CUBN: variants seen among roughly 807,000 people sequenced by gnomAD.
CUBN encodes cubilin.
Under a neutral mutation model 405.3 loss-of-function variants are expected in CUBN, and 282 were observed. That is an observed-to-expected ratio of 0.70 (90% CI 0.63 to 0.77). The LOEUF is 0.77. CUBN is among the 30% of genes least tolerant of loss of function. CUBN has a pLI of 0.00. For missense variants in CUBN, 4,514 were observed against 4,475.2 expected (o/e 1.01, Z -0.25); for synonymous variants, 1,684 against 1,617.0 (o/e 1.04, Z -0.99).
rs1835067450 is a variant in CUBN at position 17,043,917 on chromosome 10, G to A, written c.3739C>T (p.Leu1247Phe). 2 of 1,613,672 alleles carry A rather than the reference G, an allele frequency of 1.2e-6. No individual in the cohort carries two copies. Among genetic ancestry groups the A allele is most frequent in the East Asian group, 4.5e-5 (2 of 44,874 alleles). Residue 1247 changes from leucine to phenylalanine, a missense_variant, in exon 26 of 67, where the codon CTT becomes TTT. Leu to Phe is a conservative substitution (Grantham distance 22). Around this residue, in one of 5 missense-constraint regions of CUBN, gnomAD observed 242 missense variants for 309.0 expected, o/e 0.78. Transcript: ENST00000377833. ...TQLCGDEKPP[L>F]IRSSGDSMFI... ...ATGCTGTCTCCACTAGAACGAATAA[G>A]AGGGGGTTTCTCATCCCCACAAAGC... is the stretch of plus-strand genomic sequence containing the variant.
chr10:17,073,444 CTTTTTT>C (rs11349387), intron 17 of CUBN, among the ~76,000 whole-genome samples: 1 of 109,784 alleles, frequency 9.1e-6, no homozygotes, highest in African/African-American at 3.9e-5. Flanking sequence ...ATAACCAGCT[CTTTTTT>C]TTTTTTTTTT....
intron 36 of CUBN, among the ~76,000 whole-genome samples, chr10:16,940,692 C>T (rs1029996177): frequency 6.6e-6 from 1 of 152,102 alleles, no homozygotes; most frequent in Non-Finnish European, 1.5e-5. Flanking sequence ...CACCAAGGCA[C>T]ATGTGCAGAG....
rs1338090281 is a variant in CUBN at position 17,106,099 on chromosome 10, A to G, written c.1112-524T>C. ...CAGGAGTTCGAGACCAGCCTGGCCA[A>G]TGTGGAGAAACCCTGTCTCTACTAA... On this transcript the variant is annotated intron_variant, in intron 10 of 66. Transcript: ENST00000377833. Among the ~76,000 whole-genome samples the G allele has an allele frequency of 3.3e-5, 5 of 152,024 alleles. No individual in the cohort carries two copies. The East Asian group carries it at 9.7e-4, about 30-fold the overall frequency.
intron 36 of CUBN, among the ~76,000 whole-genome samples, chr10:16,943,545 T>G (rs1048950374): frequency 1.9e-4 from 29 of 152,186 alleles, no homozygotes; most frequent in Admixed American, 3.3e-4. Context: ...ATCAACAATG[T>G]GAAATACGCA....
chr10:16,861,841 T>C (rs1840022046), intron 59 of CUBN, among the ~76,000 whole-genome samples: 1 of 152,056 alleles, frequency 6.6e-6, no homozygotes, highest in Non-Finnish European at 1.5e-5. Flanking sequence ...CCCTTTTGCA[T>C]ACATTTCTGT....
At chr10:16,976,946 T>C (rs1833116819) in intron 31 of CUBN, among the ~76,000 whole-genome samples, 1 of 152,220 alleles carries the variant, frequency 6.6e-6, no homozygotes, top group Non-Finnish European at 1.5e-5. Flanking sequence ...CTTTCTATAG[T>C]ATGCAGTTCC....
chr10:16,918,252 T>A (rs1401753416), intron 45 of CUBN, among the ~76,000 whole-genome samples: 2 of 152,210 alleles, frequency 1.3e-5, no homozygotes, highest in Non-Finnish European at 2.9e-5. Flanking sequence ...TTCTTTTTGT[T>A]TAGGATTGCC....
intron 41 of CUBN, among the ~76,000 whole-genome samples, chr10:16,926,742 A>G (rs1327801546): frequency 6.6e-6 from 1 of 151,010 alleles, no homozygotes; most frequent in African/African-American, 2.4e-5. Context: ...GGAGTGTAGA[A>G]TTGGGGGGTG....
chr10:16,846,863 T>C (rs1048595425), intron 60 of CUBN, among the ~76,000 whole-genome samples: 1 of 148,260 alleles, frequency 6.7e-6, no homozygotes, highest in African/African-American at 2.5e-5. Flanking sequence ...ACGGATGGGG[T>C]TGAGGAAAAA....
chr10:17,057,966 C>CA (rs1374015544), intron 22 of CUBN, among the ~76,000 whole-genome samples: 7 of 151,800 alleles, frequency 4.6e-5, no homozygotes, highest in African/African-American at 1.7e-4. Flanking sequence ...ACTAAAAATA[C>CA]AAAAAATTAG....
intron 44 of CUBN, among the ~76,000 whole-genome samples, 182 bp downstream of exon 44, chr10:16,919,781 G>A (rs1188613647): frequency 3.9e-5 from 6 of 152,114 alleles, no homozygotes; most frequent in Admixed American, 6.5e-5. Context: ...GTACATAACC[G>A]GCTCAGCTGA....
chr10:17,093,577 A>C (rs990065733), intron 14 of CUBN, among the ~76,000 whole-genome samples: 2 of 151,980 alleles, frequency 1.3e-5, no homozygotes, highest in Non-Finnish European at 2.9e-5. Flanking sequence ...AAAAAACCCA[A>C]CCCTTCTGAG....
At chr10:16,988,730 A>G (rs3012475) in intron 29 of CUBN, among the ~76,000 whole-genome samples, 66,832 of 151,896 alleles carry the variant, frequency 0.44, 16,406 homozygotes, top group Non-Finnish European at 0.55. Flanking sequence ...CATACTATTC[A>G]TATCGACCCC....
At chr10:17,104,759 A>T (rs1012156820) in intron 11 of CUBN, among the ~76,000 whole-genome samples, 154 bp from the exon 12 acceptor site, 4 of 146,982 alleles carry the variant, frequency 2.7e-5, no homozygotes, top group East Asian at 1.9e-4. Flanking sequence ...TTATATATTT[A>T]AAAATAATTA....
In CUBN at chr10:16,928,259, C is replaced by G; in HGVS notation, c.6169G>C (p.Glu2057Gln). 1 of 1,613,936 alleles carries G rather than the reference C, an allele frequency of 6.2e-7. No individual in the cohort carries two copies. Among genetic ancestry groups the G allele is most frequent in the Non-Finnish European group, 8.5e-7 (1 of 1,179,900 alleles). ...GTAGACCGGATGGGCCCAGGGATCT[C>G]TCTGCCACAGAGAACTGCTAGCTGC... ...AQQLAVLCGR[E>Q]IPGPIRSTGE... Residue 2057 changes from glutamate to glutamine, a missense_variant, in exon 41 of 67, where the codon GAG becomes CAG. Around this residue, in one of 5 missense-constraint regions of CUBN, gnomAD observed 1,613 missense variants for 1,542.8 expected, o/e 1.05. Coordinates refer to ENST00000377833, the MANE Select transcript of CUBN (RefSeq NM_001081.4).
intron 58 of CUBN, 105 bp from the exon 59 acceptor site, chr10:16,869,958 G>A: frequency 5.1e-6 from 4 of 790,956 alleles, no homozygotes. Context: ...TACCAGTAGA[G>A]CATTCAAAAC....
At chr10:16,921,065 A>G (rs1380300740) in intron 43 of CUBN, among the ~76,000 whole-genome samples, 6 of 152,224 alleles carry the variant, frequency 3.9e-5, no homozygotes, top group Admixed American at 1.3e-4. Context: ...CCATTCATTC[A>G]TGGAAATTGA....
In CUBN at chr10:17,018,504, C is replaced by T. The variant is rs531007298; in HGVS notation, c.4168+1329G>A. Reference sequence around the variant, plus strand: ...CTTCAGGAATGAAGCCGCAGACCTTCGCAGTGAGTGCTACAGCTCATTAAG... The same window carrying T: ...CTTCAGGAATGAAGCCGCAGACCTTTGCAGTGAGTGCTACAGCTCATTAAG... On this transcript the variant is annotated intron_variant, in intron 28 of 66. Transcript: ENST00000377833. 2.6e-5 allele frequency among the ~76,000 whole-genome samples: 4 copies of T among 152,302 alleles called. No homozygotes were observed. The South Asian group carries it at 6.2e-4, about 24-fold the overall frequency.
At chr10:17,043,792 G>A in intron 26 of CUBN, 35 bp downstream of exon 26, 1 of 1,584,258 alleles carries the variant, frequency 6.3e-7, no homozygotes. Flanking sequence ...TACTCTGCCA[G>A]TATACACACT....
Sources: gnomAD v4.1 joint callset for allele counts (sites outside exome capture counted in the v4.1 genomes callset) on GRCh38, gnomAD v4.1.1 for gene constraint, gnomAD v4.1.1 regional missense constraint, MANE v1.5 for transcripts, NCBI Gene and HGNC (gene_info 2026-07-23, HGNC 2026-07-21) for gene names.